The following ZNF679 variants were observed in gnomAD, a reference collection of about 807,000 sequenced individuals.
ZNF679 encodes the protein hypothetical protein MGC42415.
A neutral mutation model predicts 13.4 loss-of-function variants in ZNF679; 10 were observed. That is an observed-to-expected ratio of 0.75 (90% CI 0.46 to 1.27). The LOEUF (loss-of-function observed/expected upper bound fraction) is 1.27. Among genes scored for constraint, ZNF679 ranks in the 50% most tolerant of loss-of-function variants. The pLI, the probability that ZNF679 is intolerant of heterozygous loss-of-function variation, is 0.00. For synonymous variants in ZNF679, 179 were observed against 162.5 expected (o/e 1.10, Z -0.77); for missense variants, 525 against 477.8 (o/e 1.10, Z -0.92).
intron 1 of ZNF679, among the ~76,000 whole-genome samples, chr7:64,245,605 C>T (rs909428875): frequency 2.6e-5 from 4 of 152,136 alleles, no homozygotes; most frequent in African/African-American, 9.7e-5. Context: ...GTCCCATCTG[C>T]TCTCAAGTTT....
intron 1 of ZNF679, among the ~76,000 whole-genome samples, chr7:64,236,648 T>C (rs1469945184): frequency 6.6e-6 from 1 of 151,442 alleles, no homozygotes; most frequent in East Asian, 2.0e-4. Flanking sequence ...CCAGGTGTAG[T>C]GCACGCACTT....
intron 2 of ZNF679, among the ~76,000 whole-genome samples, chr7:64,258,399 C>T (rs1788032136): frequency 1.3e-5 from 2 of 151,944 alleles, no homozygotes; most frequent in African/African-American, 2.4e-5. Flanking sequence ...GTGAGCATGT[C>T]TCAGATCAAG....
intron 2 of ZNF679, among the ~76,000 whole-genome samples, chr7:64,253,503 G>GA (rs1182243614): frequency 7.9e-5 from 12 of 152,196 alleles, no homozygotes; most frequent in African/African-American, 2.4e-4. Flanking sequence ...GATTCAGTCA[G>GA]AGTTAGAATA....
chr7:64,252,116 C>G (rs79245826), intron 2 of ZNF679, among the ~76,000 whole-genome samples: 1 of 152,164 alleles, frequency 6.6e-6, no homozygotes, highest in Non-Finnish European at 1.5e-5. Context: ...GGGGAACTCA[C>G]CAAGGCACGG....
chr7:64,266,730 C>T lies in ZNF679; in HGVS notation c.1097C>T (p.Thr366Ile). 5.0e-6 allele frequency: 8 copies of T among 1,611,842 alleles called. No individual in the cohort carries two copies. The highest frequency in any genetic ancestry group is 5.1e-6 in the Non-Finnish European group (6 of 1,178,914). ...ECGKAFAFSS[T>I]LNTHKRIHTG... ...GGGAAAGCCTTTGCCTTCTCCTCAACTCTTAATACTCATAAGAGGATTCAT... is the reference window on the plus strand; with the variant it reads ...GGGAAAGCCTTTGCCTTCTCCTCAATTCTTAATACTCATAAGAGGATTCAT... The change falls in exon 5 of 5, where the codon ACT (threonine) becomes ATT (isoleucine). Residue 366 changes from threonine (T) to isoleucine (I), a missense_variant. Transcript: ENST00000421025.
chr7:64,241,833 A>G (rs1031671740), intron 1 of ZNF679, among the ~76,000 whole-genome samples: 3 of 152,226 alleles, frequency 2.0e-5, no homozygotes, highest in Admixed American at 2.0e-4. Flanking sequence ...TGCATGGCCC[A>G]GGTATATGTT....
Position 64,249,019 on chromosome 7 carries a change from T to C in ZNF679, c.-90-9T>C. The stretch of plus-strand genomic sequence containing the variant: ...ATTTTCCGGGTCCTTTGTGTTTCTC[T>C]GCGTCCAGAGCTCCAGTTCTTCTCT... On this transcript the variant is annotated splice_polypyrimidine_tract_variant and intron_variant, in intron 1 of 4. Transcript: ENST00000421025. The C allele has an allele frequency of 6.4e-7, 1 of 1,562,934 alleles. No individual in the cohort carries two copies. The highest frequency in any genetic ancestry group is 8.7e-7 in the Non-Finnish European group (1 of 1,146,584).
chr7:64,265,637 T>G (rs1028192744), intron 4 of ZNF679, among the ~76,000 whole-genome samples: 2 of 152,170 alleles, frequency 1.3e-5, no homozygotes, highest in Non-Finnish European at 2.9e-5. Flanking sequence ...GGTAAATGTA[T>G]CAGACTTTTC....
At chr7:64,243,349 T>C (rs188161178) in intron 1 of ZNF679, among the ~76,000 whole-genome samples, 4 of 152,242 alleles carry the variant, frequency 2.6e-5, no homozygotes, top group African/African-American at 9.6e-5. Context: ...GCCAGCGATA[T>C]GTCAATATTT....
chr7:64,231,427 T>C (rs1172833003), intron 1 of ZNF679, among the ~76,000 whole-genome samples: 3 of 152,222 alleles, frequency 2.0e-5, no homozygotes, highest in African/African-American at 7.2e-5. Context: ...GAACAATTTC[T>C]TCTGTAGGCC....
intron 1 of ZNF679, among the ~76,000 whole-genome samples, chr7:64,230,599 G>A (rs1787625388): frequency 6.6e-6 from 1 of 151,942 alleles, no homozygotes; most frequent in Non-Finnish European, 1.5e-5. Flanking sequence ...TATCACCAAG[G>A]TGTAGCCCAA....
chr7:64,259,110 C>A (rs1788042521), intron 2 of ZNF679, among the ~76,000 whole-genome samples: 1 of 152,042 alleles, frequency 6.6e-6, no homozygotes. Context: ...CAGGGTTTTA[C>A]CATGTTGGCC....
rs1341584181 is a variant in ZNF679 at position 64,266,454 on chromosome 7, G to A, written c.821G>A (p.Gly274Asp). The part of the protein sequence containing the change: ...GEKPYTCEEC[G>D]QAFSRSSTLA... ...AAACCCTACACATGTGAAGAATGTG[G>A]CCAAGCCTTTAGCCGCTCCTCAACA... Residue 274 changes from glycine (G) to aspartate (D), a missense_variant, in exon 5 of 5, where the codon GGC (glycine) becomes GAC (aspartate). Gly to Asp is a moderately conservative substitution (Grantham distance 94). Coordinates refer to ENST00000421025, the MANE Select transcript of ZNF679 (RefSeq NM_153363.3). 2.5e-6 allele frequency: 4 copies of A among 1,611,706 alleles called. No individual in the cohort carries two copies. Among genetic ancestry groups the A allele is most frequent in the South Asian group, 1.1e-5 (1 of 90,972 alleles).
chr7:64,245,432 AGAGAGAGAGAGG>A (rs1787855421), intron 1 of ZNF679, among the ~76,000 whole-genome samples: 1 of 150,946 alleles, frequency 6.6e-6, no homozygotes, highest in Non-Finnish European at 1.5e-5. Context: ...AGAGAGAGAG[AGAGAGAGAGAGG>A]GAGAGAGAGA....
At chr7:64,249,334 C>T (rs1481087758) in intron 2 of ZNF679, among the ~76,000 whole-genome samples, 178 bp downstream of exon 2, 1 of 152,152 alleles carries the variant, frequency 6.6e-6, no homozygotes, top group South Asian at 2.1e-4. Context: ...CCTGGGCCAG[C>T]GGCTAGGACC....
intron 1 of ZNF679, among the ~76,000 whole-genome samples, chr7:64,234,406 C>G (rs371358740): frequency 6.6e-6 from 1 of 152,098 alleles, no homozygotes; most frequent in Non-Finnish European, 1.5e-5. Context: ...GCTGGAGATG[C>G]GATGCACTTT....
chr7:64,264,053 A>G (rs964151960), intron 4 of ZNF679, among the ~76,000 whole-genome samples: 2 of 152,076 alleles, frequency 1.3e-5, no homozygotes, highest in Admixed American at 6.6e-5. Flanking sequence ...CTGATGTTAT[A>G]TATACTTATA....
chr7:64,236,915 A>AAAG lies in ZNF679; in HGVS notation c.-91+8266_-91+8268dup, dbSNP rs1224777347. ...AAAAAAGAAAAAGAAAAAAAGAAAG[A>AAAG]AAGAAAGAAGAAAGAAAGAAAGAAA... On this transcript the variant is annotated intron_variant, in intron 1 of 4. Transcript: ENST00000421025. 3.0e-3 allele frequency among the ~76,000 whole-genome samples: 397 copies of AAAG among 131,224 alleles called. 5 individuals carry two copies. The South Asian group carries it at 0.035, about 11-fold the overall frequency. The allele number at this position is 131,224 out of a possible 152,430, so 86.1% of individuals were successfully genotyped here.
At chr7:64,258,141 A>G (rs1339352371) in intron 2 of ZNF679, among the ~76,000 whole-genome samples, 2 of 151,998 alleles carry the variant, frequency 1.3e-5, no homozygotes, top group African/African-American at 2.4e-5. Flanking sequence ...AGAAACTTAT[A>G]TTTTAGTGGT....
Sources: gnomAD v4.1 joint callset for allele counts (sites outside exome capture counted in the v4.1 genomes callset) on GRCh38, gnomAD v4.1.1 for gene constraint, MANE v1.5 for transcripts, NCBI Gene and HGNC (gene_info 2026-07-23, HGNC 2026-07-21) for gene names.